VCF1: variants seen among roughly 807,000 people sequenced by gnomAD.
VCF1 encodes protein VCF1.
chr17:73,207,560 C>CTA, the VCF1 span: 1 of 674,074 alleles, frequency 1.5e-6, no homozygotes, highest in African/African-American at 1.8e-5. Flanking sequence ...CAACCCGGCA[C>CTA]TATCATTGTA....
the VCF1 span, among the ~76,000 whole-genome samples, chr17:73,219,538 T>C: frequency 1.3e-5 from 2 of 151,412 alleles, no homozygotes; most frequent in Non-Finnish European, 2.9e-5. Context: ...TAGTTCCAGC[T>C]ACTCGGGAGG....
chr17:73,212,350 T>C, the VCF1 span, among the ~76,000 whole-genome samples: 1 of 152,162 alleles, frequency 6.6e-6, no homozygotes, highest in African/African-American at 2.4e-5. Context: ...CCAAGACTTG[T>C]GATGGTGCCG....
the VCF1 span, among the ~76,000 whole-genome samples, chr17:73,226,133 C>A: frequency 6.6e-6 from 1 of 151,900 alleles, no homozygotes; most frequent in Non-Finnish European, 1.5e-5. Context: ...GAACTCCTGA[C>A]CTCGTGATCT....
the VCF1 span, chr17:73,232,276 T>C: frequency 1.9e-6 from 3 of 1,603,466 alleles, no homozygotes; most frequent in African/African-American, 4.0e-5. Flanking sequence ...GTACCACCAC[T>C]ACTTCCGGCG....
chr17:73,210,572 G>A, the VCF1 span, among the ~76,000 whole-genome samples: 34 of 151,188 alleles, frequency 2.2e-4, no homozygotes, highest in Non-Finnish European at 3.7e-4. Flanking sequence ...AGGGTGACAC[G>A]AAGGACCCAT....
the VCF1 span, among the ~76,000 whole-genome samples, chr17:73,224,960 GACAGCACAGCACAGC>G: frequency 1.5e-4 from 7 of 47,304 alleles, no homozygotes; most frequent in East Asian, 1.9e-3. Context: ...CACAGGACAG[GACAGCACAGCACAGC>G]ACAGCACAGC....
chr17:73,208,984 C>A, the VCF1 span: 2 of 225,330 alleles, frequency 8.9e-6, no homozygotes, highest in Non-Finnish European at 1.8e-5. Context: ...TGATTGTTCT[C>A]CTGTTACACA....
chr17:73,223,401 C>T, the VCF1 span, among the ~76,000 whole-genome samples: 33 of 152,268 alleles, frequency 2.2e-4, no homozygotes, highest in South Asian at 6.4e-3. Flanking sequence ...TGAAGTTTCT[C>T]TCTATATAAC....
At chr17:73,213,916 G>A in the VCF1 span, among the ~76,000 whole-genome samples, 6 of 152,126 alleles carry the variant, frequency 3.9e-5, no homozygotes, top group African/African-American at 1.4e-4. Flanking sequence ...GTTGTACTGA[G>A]CCGAGATGGC....
chr17:73,212,944 C>T, the VCF1 span, among the ~76,000 whole-genome samples: 1 of 150,708 alleles, frequency 6.6e-6, no homozygotes, highest in Non-Finnish European at 1.5e-5. Context: ...TTGCAATTTC[C>T]AGTTCATTTA....
chr17:73,232,144 C>G, the VCF1 span: 1 of 1,610,232 alleles, frequency 6.2e-7, no homozygotes, highest in South Asian at 1.1e-5. Flanking sequence ...GGCGCCGCTC[C>G]GCGAAGAGAG....
the VCF1 span, among the ~76,000 whole-genome samples, chr17:73,226,709 T>C: frequency 7.9e-5 from 12 of 152,292 alleles, no homozygotes; most frequent in African/African-American, 2.9e-4. Context: ...CACAACAAGA[T>C]AATGAAAAGT....
At chr17:73,214,592 T>C in the VCF1 span, among the ~76,000 whole-genome samples, 2 of 152,204 alleles carry the variant, frequency 1.3e-5, no homozygotes, top group Admixed American at 6.5e-5. Context: ...TGCCTTAAGA[T>C]ATATACAGAA....
the VCF1 span, among the ~76,000 whole-genome samples, chr17:73,227,467 G>A: frequency 6.6e-6 from 1 of 152,146 alleles, no homozygotes; most frequent in Admixed American, 6.6e-5. Flanking sequence ...GCAGCAGCGA[G>A]GTCAAGCTTA....
chr17:73,228,848 A>C, the VCF1 span, among the ~76,000 whole-genome samples: 1 of 152,196 alleles, frequency 6.6e-6, no homozygotes, highest in African/African-American at 2.4e-5. Flanking sequence ...GCCAGTCGAC[A>C]CCCAAAGAGA....
the VCF1 span, among the ~76,000 whole-genome samples, chr17:73,219,906 G>A: frequency 6.6e-6 from 1 of 151,370 alleles, no homozygotes; most frequent in African/African-American, 2.4e-5. Context: ...GCCTGGGGAG[G>A]TCAAGGCTGC....
the VCF1 span, among the ~76,000 whole-genome samples, chr17:73,221,741 A>T: frequency 5.9e-5 from 9 of 152,172 alleles, no homozygotes; most frequent in African/African-American, 2.2e-4. Flanking sequence ...AAAATTTTAA[A>T]ACTAGCCAGG....
At chr17:73,207,391 C>T in the VCF1 span, 18 of 866,982 alleles carry the variant, frequency 2.1e-5, no homozygotes, top group South Asian at 2.8e-5. Flanking sequence ...TTAATGGCGG[C>T]GCAATAGAGA....
the VCF1 span, chr17:73,208,486 C>T: frequency 1.3e-5 from 21 of 1,605,930 alleles, no homozygotes; most frequent in Non-Finnish European, 1.8e-5. Flanking sequence ...TAAATAAATA[C>T]TACCACATTA....
Sources: allele counts gnomAD v4.1 joint callset (sites outside exome capture counted in the v4.1 genomes callset), GRCh38; gene constraint gnomAD v4.1.1; transcripts MANE v1.5; gene names NCBI Gene and HGNC (gene_info 2026-07-23, HGNC 2026-07-21).